ADARB2: variants seen among roughly 807,000 people sequenced by gnomAD.
The protein encoded by ADARB2 is adenosine deaminase RNA specific B2 (inactive).
ADARB2 carries 25 observed loss-of-function variants against 62.2 expected under a neutral mutation model. That is an observed-to-expected ratio of 0.40 (90% confidence interval 0.29 to 0.56). ADARB2 has a LOEUF of 0.56. Among genes scored for constraint, ADARB2 ranks in the 20% least tolerant of loss-of-function variants. ADARB2 has a pLI of 0.43. For synonymous variants in ADARB2, 572 were observed against 500.8 expected, an observed-to-expected ratio of 1.14 and a Z score of -1.90; for missense variants, 1,071 against 1,077.4, an observed-to-expected ratio of 0.99 and a Z score of 0.08.
intron 1 of ADARB2, among the ~76,000 whole-genome samples, chr10:1,650,292 T>C (rs1017052845): frequency 3.3e-5 from 5 of 152,206 alleles, no homozygotes; most frequent in Admixed American, 3.3e-4. Flanking sequence ...TTGATGTCAC[T>C]TAAAGGAGAG....
At chr10:1,695,279 C>T (rs566308988) in intron 1 of ADARB2, among the ~76,000 whole-genome samples, 74 of 152,246 alleles carry the variant, frequency 4.9e-4, no homozygotes, top group Middle Eastern at 6.8e-3. Flanking sequence ...CCAGGCCCAC[C>T]GTGTACTTTG....
intron 1 of ADARB2, among the ~76,000 whole-genome samples, chr10:1,420,666 A>G (rs1262123309): frequency 6.6e-6 from 1 of 151,488 alleles, no homozygotes; most frequent in African/African-American, 2.4e-5. Context: ...TGAGAAACAG[A>G]GAGCGAGTGA....
At chr10:1,403,928 G>GC (rs1417312799) in intron 1 of ADARB2, among the ~76,000 whole-genome samples, 1 of 152,208 alleles carries the variant, frequency 6.6e-6, no homozygotes, top group African/African-American at 2.4e-5. Flanking sequence ...GGGTGTGTCT[G>GC]CAGGGCACTG....
intron 1 of ADARB2, among the ~76,000 whole-genome samples, chr10:1,711,183 G>A (rs557219830): frequency 1.8e-4 from 28 of 152,332 alleles, no homozygotes; most frequent in African/African-American, 6.5e-4. Flanking sequence ...GATCTCAGGT[G>A]TTAGTCCTTC....
chr10:1,479,237 G>A (rs1831438952), intron 1 of ADARB2, among the ~76,000 whole-genome samples: 1 of 152,210 alleles, frequency 6.6e-6, no homozygotes, highest in Non-Finnish European at 1.5e-5. Context: ...TGTTTGGAGT[G>A]AGGACCGGGG....
intron 1 of ADARB2, among the ~76,000 whole-genome samples, chr10:1,479,826 G>T (rs1831445007): frequency 1.3e-5 from 2 of 152,222 alleles, no homozygotes; most frequent in African/African-American, 4.8e-5. Flanking sequence ...CATTTGTCAA[G>T]AGAAGGTTTA....
At chr10:1,373,326 ACC>A (rs1491382795) in intron 2 of ADARB2, among the ~76,000 whole-genome samples, 32 of 150,898 alleles carry the variant, frequency 2.1e-4, no homozygotes, top group East Asian at 5.9e-4. Context: ...ACACACACAC[ACC>A]CACCCACACA....
chr10:1,354,713 C>T lies in ADARB2; in HGVS notation c.1077+8315G>A, dbSNP rs140002236. Among the ~76,000 whole-genome samples, 474 of 152,338 alleles carry T rather than the reference C, an allele frequency of 3.1e-3. 3 individuals carry two copies. The highest frequency in any genetic ancestry group is 0.011 in the African/African-American group (453 of 41,570). On this transcript the variant is annotated intron_variant, in intron 3 of 9. Coordinates refer to ENST00000381312, the MANE Select transcript of ADARB2 (RefSeq NM_018702.4). ...CTCTCCCACATCCCCTCTCCTCTCT[C>T]GGATGCACCTCTTTCCTTTCTCTGG...
intron 1 of ADARB2, among the ~76,000 whole-genome samples, chr10:1,513,702 G>C (rs1831967392): frequency 6.6e-6 from 1 of 152,188 alleles, no homozygotes; most frequent in Admixed American, 6.5e-5. Flanking sequence ...TGTGTGGAGG[G>C]ACTCAGTGTC....
intron 1 of ADARB2, among the ~76,000 whole-genome samples, chr10:1,537,087 C>T (rs977472822): frequency 6.6e-6 from 1 of 152,104 alleles, no homozygotes; most frequent in Non-Finnish European, 1.5e-5. Flanking sequence ...AATATCCAGC[C>T]TCTATAAGGA....
At chr10:1,701,909 T>A (rs1487692370) in intron 1 of ADARB2, among the ~76,000 whole-genome samples, 1 of 151,682 alleles carries the variant, frequency 6.6e-6, no homozygotes, top group African/African-American at 2.4e-5. Flanking sequence ...TCAATCCCAC[T>A]CCACCGGGAG....
rs376917517 is a variant in ADARB2, at chr10:1,221,028, G to A, written c.1514-3909C>T. On this transcript the variant is annotated intron_variant, in intron 6 of 9. Coordinates refer to ENST00000381312, the MANE Select transcript of ADARB2 (RefSeq NM_018702.4). ...TGAGCAGCCCCAGGGTGGCTTGAAT[G>A]TCGGTGATCCTGCAGAGCCCATTTC... is the stretch of plus-strand genomic sequence containing the variant. Among the ~76,000 whole-genome samples the A allele has an allele frequency of 7.2e-5, 11 of 152,310 alleles. No individual in the cohort carries two copies. In the South Asian group the frequency reaches 2.1e-3, roughly 29 times the overall value.
intron 1 of ADARB2, among the ~76,000 whole-genome samples, chr10:1,510,098 TTCTTTCTTTCTC>T (rs1564312425): frequency 2.5e-5 from 3 of 121,250 alleles, no homozygotes; most frequent in African/African-American, 8.4e-5. Context: ...TCTCTCTCTT[TTCTTTCTTTCTC>T]TCTTTCTTTC....
In ADARB2 at chr10:1,647,806, G is replaced by A. The variant is rs533557760; in HGVS notation, c.100+89245C>T. ...TATATGTGTATGCATGTGTATATGTGTGTGTGTATGCATGTGTGTATATGT... is the reference window on the plus strand; with the variant it reads ...TATATGTGTATGCATGTGTATATGTATGTGTGTATGCATGTGTGTATATGT... On this transcript the variant is annotated intron_variant, in intron 1 of 9. Coordinates refer to ENST00000381312, the MANE Select transcript of ADARB2 (RefSeq NM_018702.4). Among the ~76,000 whole-genome samples, 558 of 151,864 alleles carry A rather than the reference G, an allele frequency of 3.7e-3. 2 individuals carry two copies. Among genetic ancestry groups the A allele is most frequent in the Non-Finnish European group, 5.8e-3 (395 of 67,894 alleles).
chr10:1,375,456 G>C (rs76090958), intron 2 of ADARB2, among the ~76,000 whole-genome samples: 3,334 of 152,310 alleles, frequency 0.022, 122 homozygotes, highest in African/African-American at 0.075. Context: ...TGCCCTGTGA[G>C]CCTGTTCCCC....
intron 1 of ADARB2, among the ~76,000 whole-genome samples, chr10:1,429,840 T>C (rs1458110329): frequency 1.3e-5 from 2 of 152,182 alleles, no homozygotes; most frequent in Non-Finnish European, 2.9e-5. Flanking sequence ...TCCTCTTCTC[T>C]TTCCCTCCTC....
intron 1 of ADARB2, among the ~76,000 whole-genome samples, chr10:1,461,773 G>C (rs1223985028): frequency 6.6e-6 from 1 of 152,116 alleles, no homozygotes; most frequent in African/African-American, 2.4e-5. Context: ...GCCGAGGCGG[G>C]CACATCACCT....
At chr10:1,382,779 C>A (rs187737320) in intron 1 of ADARB2, among the ~76,000 whole-genome samples, 1 of 151,588 alleles carries the variant, frequency 6.6e-6, no homozygotes, top group Non-Finnish European at 1.5e-5. Flanking sequence ...GGGCTCCCCA[C>A]GCTACCGCCG....
chr10:1,583,836 G>C (rs1053149078), intron 1 of ADARB2, among the ~76,000 whole-genome samples: 2 of 152,198 alleles, frequency 1.3e-5, no homozygotes, highest in Admixed American at 1.3e-4. Context: ...CAGTGGAACA[G>C]AATAGAGAAC....
Sources: allele counts gnomAD v4.1 joint callset (sites outside exome capture counted in the v4.1 genomes callset), GRCh38; gene constraint gnomAD v4.1.1; transcripts MANE v1.5; gene names NCBI Gene and HGNC (gene_info 2026-07-23, HGNC 2026-07-21).